TAFA1: variants seen among roughly 807,000 people sequenced by gnomAD.
TAFA1 encodes the protein TAFA chemokine like family member 1, also known as chemokine-like protein TAFA-1.
Under a neutral mutation model 18.5 loss-of-function variants are expected in TAFA1, and 4 were observed. The observed-to-expected ratio is 0.22, with a 90% CI of 0.11 to 0.49. The LOEUF is 0.49. Ranked by LOEUF, TAFA1 falls within the 20% of genes least tolerant of loss-of-function variation. The probability of loss-of-function intolerance (pLI) is 0.98; values close to 1 mark genes in which losing one functional copy is unlikely to be tolerated. For missense variants in TAFA1, 147 were observed against 169.0 expected (o/e 0.87, Z 0.72); for synonymous variants, 56 against 55.2 (o/e 1.01, Z -0.06).
At chr3:68,270,293 C>T (rs2067639170) in intron 2 of TAFA1, among the ~76,000 whole-genome samples, 1 of 152,038 alleles carries the variant, frequency 6.6e-6, no homozygotes, top group South Asian at 2.1e-4. Flanking sequence ...GCTTCTATGA[C>T]AGATTATCAG....
At chr3:68,379,724 ATT>A (rs71112638) in intron 2 of TAFA1, among the ~76,000 whole-genome samples, 3 of 141,886 alleles carry the variant, frequency 2.1e-5, no homozygotes, top group African/African-American at 2.6e-5. Flanking sequence ...TTTTAAGTTG[ATT>A]TTTTTTTTTG....
rs140984602 is a variant in TAFA1 at position 68,207,158 on chromosome 3, A to G, written c.118+200414A>G. Among the ~76,000 whole-genome samples the G allele has an allele frequency of 2.6e-3, 391 of 152,050 alleles. 2 individuals carry two copies. The highest frequency in any genetic ancestry group is 9.0e-3 in the African/African-American group (373 of 41,526). ...AGAAAGCAGTATTTTTCAGCCCTAT[A>G]TTAGCAAAAAATGGAGATACTGCTT... On this transcript the variant is annotated intron_variant, in intron 2 of 4. Coordinates refer to ENST00000478136, the MANE Select transcript of TAFA1 (RefSeq NM_213609.4).
At chr3:68,202,650 T>C (rs963842426) in intron 2 of TAFA1, among the ~76,000 whole-genome samples, 2 of 151,716 alleles carry the variant, frequency 1.3e-5, no homozygotes, top group African/African-American at 4.8e-5. Context: ...TATACCACTT[T>C]ATGGGTACTG....
rs1401679828 is a variant in TAFA1 at position 68,387,615 on chromosome 3, G to A, written c.119-29665G>A. ...GCTGGGGAAATAAAGGCATGATGAT[G>A]TATTAGATTGATTTATTTTCCCAGA... On this transcript the variant is annotated intron_variant, in intron 2 of 4. Coordinates refer to ENST00000478136, the MANE Select transcript of TAFA1 (RefSeq NM_213609.4). Among the ~76,000 whole-genome samples, 3 of 152,102 alleles carry A rather than the reference G, an allele frequency of 2.0e-5. No individual in the cohort carries two copies. The East Asian group carries it at 5.8e-4, about 29-fold the overall frequency.
At chr3:68,072,865 C>T (rs1198756824) in intron 2 of TAFA1, among the ~76,000 whole-genome samples, 2 of 152,130 alleles carry the variant, frequency 1.3e-5, no homozygotes, top group East Asian at 3.9e-4. Context: ...GAAACAAAAG[C>T]TCTGGGTAAA....
At position 68,402,474 on chromosome 3, in the gene TAFA1, G is replaced by C. The variant is rs528932891; in HGVS notation, c.119-14806G>C. ...TGTGGATGCTGTATGTAACTCGGTA[G>C]AGTCAAATACTATTAAATTGTCATC... is the stretch of plus-strand genomic sequence containing the variant. On this transcript the variant is annotated intron_variant, in intron 2 of 4. Coordinates refer to ENST00000478136, the MANE Select transcript of TAFA1 (RefSeq NM_213609.4). Among the ~76,000 whole-genome samples the C allele has an allele frequency of 2.3e-4, 35 of 152,286 alleles. 1 individual carries two copies. The East Asian group carries it at 6.6e-3, about 29-fold the overall frequency.
chr3:68,217,309 A>T (rs2066671970), intron 2 of TAFA1, among the ~76,000 whole-genome samples: 1 of 151,976 alleles, frequency 6.6e-6, no homozygotes, highest in African/African-American at 2.4e-5. Flanking sequence ...CCTCCCCCAA[A>T]CCCATAATCC....
chr3:68,180,012 T>TTATTA (rs2066175845), intron 2 of TAFA1, among the ~76,000 whole-genome samples: 1 of 140,322 alleles, frequency 7.1e-6, no homozygotes, highest in East Asian at 2.1e-4. Flanking sequence ...AACACATAAT[T>TTATTA]TTATTATTAT....
At chr3:68,261,478 C>T (rs372598957) in intron 2 of TAFA1, among the ~76,000 whole-genome samples, 33 of 152,184 alleles carry the variant, frequency 2.2e-4, no homozygotes, top group Non-Finnish European at 2.8e-4. Flanking sequence ...ATGTTTATTG[C>T]GGCACTATTC....
chr3:68,156,561 C>T (rs1479046435), intron 2 of TAFA1, among the ~76,000 whole-genome samples: 1 of 152,120 alleles, frequency 6.6e-6, no homozygotes, highest in African/African-American at 2.4e-5. Context: ...AATGCATAAA[C>T]ATTGCTCAGC....
intron 2 of TAFA1, among the ~76,000 whole-genome samples, chr3:68,157,325 G>C (rs1046760251): frequency 2.0e-5 from 3 of 152,072 alleles, no homozygotes; most frequent in African/African-American, 7.2e-5. Flanking sequence ...GCAGAACATT[G>C]CCAAGAGATA....
chr3:68,475,730 G>A (rs997174406), intron 3 of TAFA1, among the ~76,000 whole-genome samples: 15 of 152,104 alleles, frequency 9.9e-5, no homozygotes, highest in South Asian at 2.1e-4. Flanking sequence ...CTGAGGAATC[G>A]CCACACTGGC....
At chr3:68,158,271 C>G (rs1373882929) in intron 2 of TAFA1, among the ~76,000 whole-genome samples, 9 of 152,058 alleles carry the variant, frequency 5.9e-5, no homozygotes, top group Admixed American at 5.9e-4. Flanking sequence ...TGATGTGGGT[C>G]CAGGCAGCTA....
chr3:68,077,463 T>G lies in TAFA1; in HGVS notation c.118+70719T>G, dbSNP rs2064840318. ...TTAGGTCTAACGTTTAAGTCTTTAA[T>G]CCATCTTGAATTGATTTTTGTATAA... On this transcript the variant is annotated intron_variant, in intron 2 of 4. Transcript: ENST00000478136. 1.4e-5 allele frequency among the ~76,000 whole-genome samples: 2 copies of G among 140,686 alleles called. 1 individual carries two copies. The highest frequency in any genetic ancestry group is 1.4e-4 in the Admixed American group (2 of 13,954). 92.3% of individuals were successfully genotyped at this position (140,686 alleles called of 152,430 possible).
intron 2 of TAFA1, among the ~76,000 whole-genome samples, chr3:68,060,435 A>C (rs1051085368): frequency 2.0e-5 from 3 of 152,210 alleles, no homozygotes; most frequent in Non-Finnish European, 4.4e-5. Context: ...AGCCTGGGGC[A>C]GATATTTTTA....
chr3:68,140,014 A>C (rs2106899789), intron 2 of TAFA1, among the ~76,000 whole-genome samples: 1 of 152,320 alleles, frequency 6.6e-6, no homozygotes, highest in South Asian at 2.1e-4. Context: ...TAAATATGTC[A>C]ATAAATAGTA....
At chr3:68,508,562 A>T (rs567159581) in intron 3 of TAFA1, among the ~76,000 whole-genome samples, 106 of 152,218 alleles carry the variant, frequency 7.0e-4, no homozygotes, top group Admixed American at 1.3e-3. Flanking sequence ...GTAACCATTA[A>T]TTCGTTCAAC....
At chr3:68,444,137 G>A (rs2071434383) in intron 3 of TAFA1, among the ~76,000 whole-genome samples, 1 of 152,118 alleles carries the variant, frequency 6.6e-6, no homozygotes. Context: ...CAGGCAGTGT[G>A]CCCACCTTGG....
chr3:68,522,696 A>C lies in TAFA1; in HGVS notation c.260-16060A>C, dbSNP rs2073046402. Among the ~76,000 whole-genome samples the C allele has an allele frequency of 2.6e-5, 4 of 152,088 alleles. No individual in the cohort carries two copies. The South Asian group carries it at 8.3e-4, about 32-fold the overall frequency. Reference sequence around the variant, plus strand: ...AAACCCCGTTTCTACTAAAAATACAAAAATTAGCCAGGCATGGCAGTGAGT... The same window carrying C: ...AAACCCCGTTTCTACTAAAAATACACAAATTAGCCAGGCATGGCAGTGAGT... On this transcript the variant is annotated intron_variant, in intron 3 of 4. Transcript: ENST00000478136.
Sources: gnomAD v4.1 joint callset for allele counts (sites outside exome capture counted in the v4.1 genomes callset) on GRCh38, gnomAD v4.1.1 for gene constraint, MANE v1.5 for transcripts, NCBI Gene and HGNC (gene_info 2026-07-23, HGNC 2026-07-21) for gene names.